Variants in ZNF536 observed in about 807,000 individuals in gnomAD.
ZNF536 encodes zinc finger protein 536.
A neutral mutation model predicts 84.5 loss-of-function variants in ZNF536; 13 were observed. The ratio of observed to expected loss-of-function variants is 0.15; its 90% CI spans 0.10 to 0.24. The LOEUF is 0.24. Among genes scored for constraint, ZNF536 ranks in the 10% least tolerant of loss-of-function variants. The probability of loss-of-function intolerance (pLI) is 1.00; values close to 1 mark genes in which losing one functional copy is unlikely to be tolerated. For synonymous variants in ZNF536, 811 were observed against 742.5 expected (o/e 1.09, Z -1.50); for missense variants, 1,536 against 1,747.5 (o/e 0.88, Z 2.16).
rs1365111213 is a variant in ZNF536 at position 30,511,071 on chromosome 19, C to T, written c.2171-23776C>T. On this transcript the variant is annotated intron_variant, in intron 2 of 4. Transcript: ENST00000355537. ...AAGGATGACCATCACCACTTGAGAT[C>T]GTTTCAAGCATCTTCAGTTTTCAGA... Among the ~76,000 whole-genome samples the T allele has an allele frequency of 2.0e-5, 3 of 152,268 alleles. No individual in the cohort carries two copies. In the East Asian group the frequency reaches 5.8e-4, roughly 29 times the overall value.
At chr19:30,359,445 C>A (rs968886825) in intron 3 of ZNF536, among the ~76,000 whole-genome samples, 1 of 152,238 alleles carries the variant, frequency 6.6e-6, no homozygotes, top group African/African-American at 2.4e-5. Flanking sequence ...ATGGCTGCGC[C>A]ACAGGGAGGC....
intron 1 of ZNF536, among the ~76,000 whole-genome samples, chr19:30,283,593 C>T (rs539817777): frequency 6.6e-6 from 1 of 152,292 alleles, no homozygotes; most frequent in African/African-American, 2.4e-5. Flanking sequence ...GGCTACCAAA[C>T]AGGTTTGGCC....
chr19:30,700,240 C>T (rs1287066938), intron 1 of ZNF536, among the ~76,000 whole-genome samples: 1 of 108,288 alleles, frequency 9.2e-6, no homozygotes, highest in Non-Finnish European at 1.9e-5. Context: ...TTCTTTCTTT[C>T]TCTCTCTCTC....
At position 30,628,175 on chromosome 19, in the gene ZNF536, C is replaced by T. The variant is rs529934124; in HGVS notation, c.169+78661C>T. Reference sequence around the variant, plus strand: ...GCTAAGTAGGCCAAATGAAATGATCCGAGCTGGCTGTGGGCCAGGGCAACA... The same window carrying T: ...GCTAAGTAGGCCAAATGAAATGATCTGAGCTGGCTGTGGGCCAGGGCAACA... On this transcript the variant is annotated intron_variant, in intron 1 of 1. Coordinates refer to the ZNF536 transcript ENST00000592773. 6.6e-5 allele frequency among the ~76,000 whole-genome samples: 10 copies of T among 152,294 alleles called. No homozygotes were observed. The East Asian group carries it at 1.2e-3, about 18-fold the overall frequency.
At chr19:30,236,535 G>GA (rs910383704) in intron 1 of ZNF536, among the ~76,000 whole-genome samples, 2 of 151,486 alleles carry the variant, frequency 1.3e-5, no homozygotes, top group Non-Finnish European at 2.9e-5. Flanking sequence ...GGGGCGGGGG[G>GA]GGGGTACAAT....
chr19:30,598,578 G>T (rs763333042), intron 1 of ZNF536, among the ~76,000 whole-genome samples: 1 of 152,108 alleles, frequency 6.6e-6, no homozygotes, highest in Non-Finnish European at 1.5e-5. Flanking sequence ...GTGTGGGGGA[G>T]GGAGAATGAA....
chr19:30,666,346 C>T (rs774121267), intron 1 of ZNF536, among the ~76,000 whole-genome samples: 6 of 152,110 alleles, frequency 3.9e-5, no homozygotes, highest in Non-Finnish European at 8.8e-5. Flanking sequence ...TGGCCGGGTC[C>T]GACACGTTCC....
chr19:30,541,069 C>A lies in ZNF536; in HGVS notation c.2323+6070C>A, dbSNP rs2045310754. Among the ~76,000 whole-genome samples, 3 of 152,196 alleles carry A rather than the reference C, an allele frequency of 2.0e-5. No individual in the cohort carries two copies. The South Asian group carries it at 6.2e-4, about 31-fold the overall frequency. On this transcript the variant is annotated intron_variant, in intron 3 of 4. Transcript: ENST00000355537. ...GTGGGAGTGGAATCACTTCCAGCAT[C>A]ACAGAGCTGATAAACTCATGCTATG...
chr19:30,623,729 C>T (rs1311157822), intron 1 of ZNF536, among the ~76,000 whole-genome samples: 3 of 152,188 alleles, frequency 2.0e-5, no homozygotes, highest in African/African-American at 7.2e-5. Flanking sequence ...CCTAGAATTC[C>T]CTCTGCCTCT....
chr19:30,706,710 C>T (rs1318349600), intron 1 of ZNF536, among the ~76,000 whole-genome samples: 2 of 151,988 alleles, frequency 1.3e-5, no homozygotes, highest in Non-Finnish European at 2.9e-5. Flanking sequence ...GTTCTTTACT[C>T]GAAAGACTTG....
At chr19:30,461,936 C>A (rs2053157920) in intron 2 of ZNF536, among the ~76,000 whole-genome samples, 1 of 152,124 alleles carries the variant, frequency 6.6e-6, no homozygotes, top group African/African-American at 2.4e-5. Context: ...TCCACCCCCA[C>A]CCCTTCTCCA....
At chr19:30,383,878 C>T (rs1483691961) in intron 1 of ZNF536, among the ~76,000 whole-genome samples, 1 of 116,768 alleles carries the variant, frequency 8.6e-6, no homozygotes, top group African/African-American at 3.5e-5. Flanking sequence ...TTCCTCCCCC[C>T]TCCCTCCCTT....
intron 2 of ZNF536, among the ~76,000 whole-genome samples, chr19:30,469,343 C>T (rs1398259782): frequency 2.0e-5 from 3 of 151,944 alleles, no homozygotes; most frequent in Non-Finnish European, 4.4e-5. Flanking sequence ...ACCCAGAAGG[C>T]GGAGCTTGCA....
At chr19:30,494,209 C>G (rs1381140480) in intron 2 of ZNF536, among the ~76,000 whole-genome samples, 1 of 152,172 alleles carries the variant, frequency 6.6e-6, no homozygotes, top group Non-Finnish European at 1.5e-5. Context: ...CACAGACAGA[C>G]AAGGCAGACA....
chr19:30,574,453 C>G (rs2046658926), intron 1 of ZNF536, among the ~76,000 whole-genome samples: 1 of 152,192 alleles, frequency 6.6e-6, no homozygotes, highest in Non-Finnish European at 1.5e-5. Context: ...TGTGGGTGGC[C>G]CCCATTAGGT....
chr19:30,226,238 G>A (rs1383567791), upstream of ZNF536, among the ~76,000 whole-genome samples: 1 of 152,042 alleles, frequency 6.6e-6, no homozygotes, highest in African/African-American at 2.4e-5. The surrounding 1 kb of genome is among the most constrained non-coding windows in gnomAD (Gnocchi z 4.6). Flanking sequence ...GGAGTAAAAA[G>A]GGGAGGGGGT....
At chr19:30,616,485 C>T (rs189335283) in intron 1 of ZNF536, among the ~76,000 whole-genome samples, 1 of 152,078 alleles carries the variant, frequency 6.6e-6, no homozygotes, top group South Asian at 2.1e-4. Context: ...ATTAAAACCT[C>T]TTTTTATTTA....
intron 3 of ZNF536, among the ~76,000 whole-genome samples, chr19:30,354,566 C>A (rs2048034592): frequency 1.3e-5 from 2 of 152,130 alleles, no homozygotes; most frequent in South Asian, 4.1e-4. Flanking sequence ...ACTGCCCTGG[C>A]ATGCTGTGGG....
intron 1 of ZNF536, among the ~76,000 whole-genome samples, chr19:30,709,936 C>G (rs756798975): frequency 6.6e-6 from 1 of 152,016 alleles, no homozygotes; most frequent in Non-Finnish European, 1.5e-5. Context: ...TTTTATACAG[C>G]CTGTGAGCTA....
Sources: gnomAD v4.1 joint callset for allele counts (sites outside exome capture counted in the v4.1 genomes callset) on GRCh38, gnomAD v4.1.1 for gene constraint, Gnocchi (gnomAD v3.1) non-coding constraint, MANE v1.5 for transcripts, NCBI Gene and HGNC (gene_info 2026-07-23, HGNC 2026-07-21) for gene names.